The following RABL2B variants were observed in gnomAD, a reference collection of about 807,000 sequenced individuals.
The protein encoded by RABL2B is RAB, member of RAS oncogene family like 2B, also known as rab-like protein 2B.
A neutral mutation model predicts 26.7 loss-of-function variants in RABL2B; 17 were observed. That is an observed-to-expected ratio of 0.64 (90% CI 0.44 to 0.95). RABL2B has a LOEUF of 0.95. Among genes scored for constraint, RABL2B ranks in the 40% least tolerant of loss-of-function variants. The pLI, the probability that RABL2B is intolerant of heterozygous loss-of-function variation, is 0.00. For synonymous variants in RABL2B, 70 were observed against 103.9 expected, an observed-to-expected ratio of 0.67 and a Z score of 1.99; for missense variants, 170 against 277.2, an observed-to-expected ratio of 0.61 and a Z score of 2.75.
intron 5 of RABL2B, among the ~76,000 whole-genome samples, chr22:50,773,821 G>A (rs1291247854): frequency 2.6e-5 from 4 of 151,852 alleles, no homozygotes; most frequent in African/African-American, 9.7e-5. Flanking sequence ...AAGGCCGTGC[G>A]TATTTACAGA....
At chr22:50,775,128 C>A (rs1347181867) in intron 5 of RABL2B, among the ~76,000 whole-genome samples, 2 of 152,170 alleles carry the variant, frequency 1.3e-5, no homozygotes, top group African/African-American at 4.8e-5. Flanking sequence ...TCCTTTTCAG[C>A]ATTTAAAAGT....
rs2083666150 is a variant in RABL2B at position 50,768,302 on chromosome 22, A to C, written c.*474T>G. 4.6e-6 allele frequency: 1 copy of C among 216,980 alleles called. No homozygotes were observed. Among genetic ancestry groups the C allele is most frequent in the South Asian group, 6.0e-5 (1 of 16,706 alleles). The allele number at this position is 216,980 out of a possible 1,614,324, so 13.4% of individuals were successfully genotyped here. On this transcript the variant is annotated 3_prime_UTR_variant, in exon 9 of 9. Coordinates refer to ENST00000691320, the MANE Select transcript of RABL2B (RefSeq NM_001130919.3). Reference sequence around the variant, plus strand: ...GACTGAAGAGGAAAAAAGATGGGAGAAAACGTAGGGAAAGGATGGGGCCTC... The same window carrying C: ...GACTGAAGAGGAAAAAAGATGGGAGCAAACGTAGGGAAAGGATGGGGCCTC...
intron 7 of RABL2B, 106 bp from the exon 8 acceptor site, chr22:50,769,230 A>C (rs2083776003): frequency 1.6e-6 from 1 of 623,774 alleles, no homozygotes; most frequent in Non-Finnish European, 2.8e-6. Flanking sequence ...TAAAATCAGC[A>C]ACCTTACCCC....
At position 50,769,934 on chromosome 22, in the gene RABL2B, G is replaced by C; in HGVS notation, c.380C>G (p.Pro127Arg). The C allele has an allele frequency of 6.2e-7, 1 of 1,613,710 alleles. No individual in the cohort carries two copies. The highest frequency in any genetic ancestry group is 8.5e-7 in the Non-Finnish European group (1 of 1,179,832). Residue 127 changes from proline (P) to arginine (R), a missense_variant, in exon 6 of 9, where the codon CCA (proline) becomes CGA (arginine). This residue lies in a region of RABL2B where 165 missense variants were observed against 232.0 expected (regional missense o/e 0.71). Transcript: ENST00000691320. Reference protein sequence around the residue: ...TELREFRPEIPCIVVANKIDA... With the variant: ...TELREFRPEIRCIVVANKIDA... ...AATTTTATTGGCCACCACGATGCAT[G>C]GGATCTCTGGCCTGAACTCCCGAAG... is the stretch of plus-strand genomic sequence containing the variant.
At chr22:50,780,325 C>T (rs1441024642) in intron 2 of RABL2B, among the ~76,000 whole-genome samples, 1 of 151,816 alleles carries the variant, frequency 6.6e-6, no homozygotes, top group Non-Finnish European at 1.5e-5. Context: ...GCCGCACTGC[C>T]ACAACATTGC....
chr22:50,771,517 T>C (rs1342810748), intron 5 of RABL2B: 13 of 152,200 alleles, frequency 8.5e-5, no homozygotes, highest in African/African-American at 3.1e-4. Flanking sequence ...CCTGCAGTGA[T>C]CTGCCTGCCT....
chr22:50,771,468 G>C (rs1201510166), intron 5 of RABL2B: 2 of 151,466 alleles, frequency 1.3e-5, no homozygotes, highest in Non-Finnish European at 2.9e-5. Context: ...GTAGAGACAG[G>C]GTTTCATCAT....
intron 5 of RABL2B, among the ~76,000 whole-genome samples, chr22:50,773,799 C>T (rs2084548513): frequency 2.0e-5 from 3 of 151,758 alleles, no homozygotes; most frequent in Admixed American, 6.5e-5. Flanking sequence ...GCATCTCTCT[C>T]AGTGCCAAGG....
At chr22:50,782,533 T>C (rs1245118397) in intron 1 of RABL2B, among the ~76,000 whole-genome samples, 186 bp from the exon 2 acceptor site, 3 of 152,300 alleles carry the variant, frequency 2.0e-5, no homozygotes, top group African/African-American at 7.2e-5. Context: ...CACAAATAGT[T>C]AAGTCCTGCG....
rs2083892274 is a variant in RABL2B, at chr22:50,769,920, C to T, written c.394G>A (p.Ala132Thr). Residue 132 changes from alanine (A) to threonine (T), a missense_variant, in exon 6 of 9, where the codon GCC (alanine) becomes ACC (threonine). By Grantham distance (58) the Ala-to-Thr change is moderately conservative (BLOSUM62 0). Coordinates refer to ENST00000691320, the MANE Select transcript of RABL2B (RefSeq NM_001130919.3). Reference protein sequence around the residue: ...FRPEIPCIVVANKIDADINVT... With the variant: ...FRPEIPCIVVTNKIDADINVT... The stretch of plus-strand genomic sequence containing the variant: ...ATGGCCCCACCATCAATTTTATTGG[C>T]CACCACGATGCATGGGATCTCTGGC... 6.2e-7 allele frequency: 1 copy of T among 1,613,372 alleles called. No homozygotes were observed. The highest frequency in any genetic ancestry group is 1.7e-5 in the Admixed American group (1 of 59,938).
At chr22:50,781,746 A>C (rs201034240) in intron 2 of RABL2B, among the ~76,000 whole-genome samples, 4 of 151,894 alleles carry the variant, frequency 2.6e-5, no homozygotes, top group Non-Finnish European at 4.4e-5. Context: ...TTACAAGAAG[A>C]AGCCAGTCTT....
chr22:50,781,343 CAAAAAA>C (rs1205230491), intron 2 of RABL2B, among the ~76,000 whole-genome samples: 3 of 59,682 alleles, frequency 5.0e-5, no homozygotes, highest in Non-Finnish European at 1.0e-4. Flanking sequence ...GACTCCGTCT[CAAAAAA>C]AAAAAAAAAA....
intron 4 of RABL2B, among the ~76,000 whole-genome samples, chr22:50,776,273 G>A (rs1229440683): frequency 1.3e-5 from 2 of 152,196 alleles, no homozygotes; most frequent in African/African-American, 2.4e-5. Flanking sequence ...ATGGAAGGTC[G>A]CAGCCCGATG....
At position 50,767,736 on chromosome 22, in the gene RABL2B, C is replaced by T. The variant is rs2083610903; in HGVS notation, c.*1040G>A. 7 of 454,774 alleles carry T rather than the reference C, an allele frequency of 1.5e-5. No homozygotes were observed. Among genetic ancestry groups the T allele is most frequent in the Non-Finnish European group, 2.2e-5 (5 of 226,300 alleles). The allele number at this position is 454,774 out of a possible 1,614,324, so 28.2% of individuals were successfully genotyped here. On this transcript the variant is annotated 3_prime_UTR_variant, in exon 9 of 9. Coordinates refer to ENST00000691320, the MANE Select transcript of RABL2B (RefSeq NM_001130919.3). Reference sequence around the variant, plus strand: ...CAAAAAAAAGGACAGCCTCTTTATGCTGAAATAGGAACTTTAAAGGAAGCT... The same window carrying T: ...CAAAAAAAAGGACAGCCTCTTTATGTTGAAATAGGAACTTTAAAGGAAGCT...
intron 2 of RABL2B, among the ~76,000 whole-genome samples, chr22:50,781,267 C>G (rs1603451503): frequency 6.6e-6 from 1 of 151,504 alleles, no homozygotes; most frequent in African/African-American, 2.4e-5. Flanking sequence ...TGGCGTGAAC[C>G]CGGGAGGCGG....
intron 2 of RABL2B, among the ~76,000 whole-genome samples, chr22:50,780,066 C>T (rs182485183): frequency 1.9e-4 from 29 of 152,244 alleles, no homozygotes; most frequent in African/African-American, 4.8e-4. Flanking sequence ...TGGCTCATGC[C>T]TGTAATGGCA....
intron 3 of RABL2B, chr22:50,777,730 T>C (rs1174389776): frequency 6.1e-6 from 4 of 660,718 alleles, no homozygotes; most frequent in Non-Finnish European, 8.3e-6. Context: ...CCTCTTAATA[T>C]AAAACAATCC....
chr22:50,777,195 T>C (rs1327535099), intron 3 of RABL2B, among the ~76,000 whole-genome samples: 1 of 151,756 alleles, frequency 6.6e-6, no homozygotes, highest in African/African-American at 2.4e-5. Flanking sequence ...CAATTTGGAG[T>C]CTGTCTATGT....
At chr22:50,775,916 A>G in intron 4 of RABL2B, 65 bp from the exon 5 acceptor site, 1 of 1,608,766 alleles carries the variant, frequency 6.2e-7, no homozygotes, top group Non-Finnish European at 8.5e-7. Flanking sequence ...CTAAGATACA[A>G]CACACATGCG....
Sources: gnomAD v4.1 joint callset for allele counts (sites outside exome capture counted in the v4.1 genomes callset) on GRCh38, gnomAD v4.1.1 for gene constraint, gnomAD v4.1.1 regional missense constraint, MANE v1.5 for transcripts, NCBI Gene and HGNC (gene_info 2026-07-23, HGNC 2026-07-21) for gene names.